Variants in LRRTM4 observed in about 807,000 individuals in gnomAD.
LRRTM4 encodes the protein leucine-rich repeat transmembrane neuronal protein 4.
A neutral mutation model predicts 47.6 loss-of-function variants in LRRTM4; 25 were observed. The ratio of observed to expected loss-of-function variants is 0.53; its 90% CI spans 0.38 to 0.73. The LOEUF is 0.73. Among genes scored for constraint, LRRTM4 ranks in the 30% least tolerant of loss-of-function variants. The pLI is 0.00. For missense variants in LRRTM4, 638 were observed against 713.4 expected (o/e 0.89, Z 1.20); for synonymous variants, 311 against 269.5 (o/e 1.15, Z -1.51).
chr2:77,114,000 G>C (rs1207033064), intron 3 of LRRTM4, among the ~76,000 whole-genome samples: 1 of 152,124 alleles, frequency 6.6e-6, no homozygotes, highest in Non-Finnish European at 1.5e-5. Context: ...AAAGTCACCA[G>C]AATTAGATAT....
At chr2:76,790,147 A>G (rs1303415499) in intron 3 of LRRTM4, among the ~76,000 whole-genome samples, 1 of 152,200 alleles carries the variant, frequency 6.6e-6, no homozygotes, top group Admixed American at 6.6e-5. Context: ...AGTTTTTCCC[A>G]GACTTAATGA....
chr2:77,147,895 A>G (rs1356169440), intron 3 of LRRTM4, among the ~76,000 whole-genome samples: 1 of 152,120 alleles, frequency 6.6e-6, no homozygotes, highest in Non-Finnish European at 1.5e-5. Context: ...TTTGTGTCTT[A>G]TTTTTTAAGC....
At chr2:77,056,266 T>A (rs1679605735) in intron 3 of LRRTM4, among the ~76,000 whole-genome samples, 1 of 152,150 alleles carries the variant, frequency 6.6e-6, no homozygotes, top group Non-Finnish European at 1.5e-5. Flanking sequence ...ATAAATGCAT[T>A]GAAGAAGATG....
chr2:77,424,158 G>T (rs1675015895), intron 3 of LRRTM4, among the ~76,000 whole-genome samples: 2 of 152,046 alleles, frequency 1.3e-5, no homozygotes, highest in Admixed American at 1.3e-4. Context: ...TAAGTTATCT[G>T]GTTTTGTGTT....
chr2:77,191,276 C>G (rs1673663024), intron 3 of LRRTM4, among the ~76,000 whole-genome samples: 1 of 151,690 alleles, frequency 6.6e-6, no homozygotes, highest in Non-Finnish European at 1.5e-5. Context: ...GATAACTTCT[C>G]AATCAGAAAA....
intron 3 of LRRTM4, among the ~76,000 whole-genome samples, chr2:76,860,911 G>T (rs1262097499): frequency 6.6e-6 from 1 of 151,960 alleles, no homozygotes; most frequent in African/African-American, 2.4e-5. Flanking sequence ...CATAGTATCA[G>T]AGGAAAGGCC....
intron 3 of LRRTM4, among the ~76,000 whole-genome samples, chr2:76,784,086 C>T (rs1309273409): frequency 6.6e-6 from 1 of 151,894 alleles, no homozygotes; most frequent in African/African-American, 2.4e-5. Context: ...GTATTTTGAG[C>T]TAAAACAATC....
chr2:77,396,590 C>T (rs534640785), intron 3 of LRRTM4, among the ~76,000 whole-genome samples: 1 of 151,806 alleles, frequency 6.6e-6, no homozygotes, highest in African/African-American at 2.4e-5. Context: ...TAAAAGTTTT[C>T]CCTCATTATA....
chr2:77,444,988 A>AC lies in LRRTM4; in HGVS notation c.1551+73329_1551+73330insG, dbSNP rs1464427190. Among the ~76,000 whole-genome samples, 14 of 150,896 alleles carry AC rather than the reference A, an allele frequency of 9.3e-5. No homozygotes were observed. In the East Asian group the frequency reaches 1.8e-3, roughly 19 times the overall value. On this transcript the variant is annotated intron_variant, in intron 3 of 3. Coordinates refer to ENST00000409884, the MANE Select transcript of LRRTM4 (RefSeq NM_001134745.3). ...ACACACACGATCCGGAAAAAAAAAAAAACACTAAATTAGAAAGCATAAATT... is the reference window on the plus strand; with the variant it reads ...ACACACACGATCCGGAAAAAAAAAAACAACACTAAATTAGAAAGCATAAATT...
At chr2:76,949,833 G>A (rs550308135) in intron 3 of LRRTM4, among the ~76,000 whole-genome samples, 1 of 152,010 alleles carries the variant, frequency 6.6e-6, no homozygotes, top group African/African-American at 2.4e-5. Flanking sequence ...CACAGAAAAT[G>A]CAATGATTAT....
At chr2:76,975,385 T>A (rs1676383761) in intron 3 of LRRTM4, among the ~76,000 whole-genome samples, 1 of 150,814 alleles carries the variant, frequency 6.6e-6, no homozygotes, top group Non-Finnish European at 1.5e-5. Flanking sequence ...TTCATTCTTC[T>A]GGCTTAATCA....
intron 3 of LRRTM4, among the ~76,000 whole-genome samples, chr2:76,911,281 T>G (rs1040223898): frequency 6.6e-6 from 1 of 152,196 alleles, no homozygotes; most frequent in Non-Finnish European, 1.5e-5. Flanking sequence ...CATCCCATCA[T>G]TTGTTAATGC....
At chr2:76,981,184 T>G (rs2103966275) in intron 3 of LRRTM4, among the ~76,000 whole-genome samples, 1 of 152,284 alleles carries the variant, frequency 6.6e-6, no homozygotes, top group South Asian at 2.1e-4. Flanking sequence ...ATTCATTGAC[T>G]TTGTTTTAGC....
intron 3 of LRRTM4, among the ~76,000 whole-genome samples, chr2:77,244,487 C>T (rs551075108): frequency 7.9e-5 from 12 of 152,026 alleles, no homozygotes; most frequent in African/African-American, 9.6e-5. Context: ...AATAATTTTG[C>T]ACCAGAAGAA....
At chr2:77,226,051 A>C in intron 3 of LRRTM4, among the ~76,000 whole-genome samples, 1 of 151,628 alleles carries the variant, frequency 6.6e-6, no homozygotes, top group South Asian at 2.1e-4. Flanking sequence ...GTATAAAGTT[A>C]TATATTTTAT....
At chr2:77,198,008 G>A (rs1426080612) in intron 3 of LRRTM4, among the ~76,000 whole-genome samples, 5 of 152,118 alleles carry the variant, frequency 3.3e-5, no homozygotes, top group African/African-American at 9.7e-5. Flanking sequence ...ACTTTATGTT[G>A]ATAAATATGA....
At chr2:76,973,206 A>G (rs2103945579) in intron 3 of LRRTM4, among the ~76,000 whole-genome samples, 1 of 152,154 alleles carries the variant, frequency 6.6e-6, no homozygotes, top group East Asian at 1.9e-4. Context: ...AATTACCATG[A>G]TTAGAATATG....
At chr2:76,904,488 A>G (rs138433540) in intron 3 of LRRTM4, among the ~76,000 whole-genome samples, 173 of 152,318 alleles carry the variant, frequency 1.1e-3, no homozygotes, top group African/African-American at 4.0e-3. Flanking sequence ...AAGGGAAAAT[A>G]TTTTGTGTTC....
At chr2:77,086,418 A>ATATG (rs1680716239) in intron 3 of LRRTM4, among the ~76,000 whole-genome samples, 2 of 129,524 alleles carry the variant, frequency 1.5e-5, no homozygotes, top group Non-Finnish European at 3.1e-5. Context: ...TAGTGTGTGT[A>ATATG]TGTGTGTGTA....
Sources: allele counts gnomAD v4.1 joint callset (sites outside exome capture counted in the v4.1 genomes callset), GRCh38; gene constraint gnomAD v4.1.1; transcripts MANE v1.5; gene names NCBI Gene and HGNC (gene_info 2026-07-23, HGNC 2026-07-21).